MYH15: variants seen among roughly 807,000 people sequenced by gnomAD.
The protein encoded by MYH15 is myosin-15.
In MYH15, 227 loss-of-function variants were observed where a neutral mutation model predicts 240.5. The observed-to-expected ratio is 0.94, with a 90% CI of 0.85 to 1.05. The LOEUF is 1.05. Ranked by LOEUF, MYH15 falls within the 50% of genes least tolerant of loss-of-function variation. The pLI, the probability that MYH15 is intolerant of heterozygous loss-of-function variation, is 0.00. For synonymous variants in MYH15, 785 were observed against 796.7 expected, an observed-to-expected ratio of 0.99 and a Z score of 0.25; for missense variants, 2,217 against 2,247.5, an observed-to-expected ratio of 0.99 and a Z score of 0.27.
In MYH15 at chr3:108,428,840, C is replaced by T; in HGVS notation, c.3354G>A (p.Arg1118=). 2 of 1,611,864 alleles carry T rather than the reference C, an allele frequency of 1.2e-6. No homozygotes were observed. The highest frequency in any genetic ancestry group is 1.7e-5 in the Admixed American group (1 of 59,482). The stretch of plus-strand genomic sequence containing the variant: ...CCCTTTCCATCTTGGCTCGAGTGGT[C>T]CTTTCAGCTTCTAGTTTCTCTTTCA... The part of the protein sequence containing the change: ...KDLKEKLEAE[R]TTRAKMERER... The change falls in exon 27 of 41, where the codon AGG becomes AGA. Residue 1118 remains arginine (R), a synonymous_variant. Coordinates refer to ENST00000693548, the MANE Select transcript of MYH15 (RefSeq NM_014981.3).
chr3:108,526,898 C>T (rs57031105), intron 1 of MYH15, among the ~76,000 whole-genome samples: 4,942 of 152,182 alleles, frequency 0.032, 249 homozygotes, highest in African/African-American at 0.11. Context: ...ACAGATCAAA[C>T]GCAGTGAGTT....
intron 40 of MYH15, among the ~76,000 whole-genome samples, chr3:108,381,812 C>T (rs1416749460): frequency 6.6e-6 from 1 of 152,216 alleles, no homozygotes; most frequent in Non-Finnish European, 1.5e-5. Context: ...AAGGCAGCGC[C>T]CCCCTTTGCC....
Position 108,383,745 on chromosome 3 carries a change from A to AG in MYH15, c.5632-17_5632-16insC. 6.5e-7 allele frequency: 1 copy of AG among 1,534,188 alleles called. No individual in the cohort carries two copies. Among genetic ancestry groups the AG allele is most frequent in the Non-Finnish European group, 8.7e-7 (1 of 1,148,408 alleles). On this transcript the variant is annotated splice_polypyrimidine_tract_variant and intron_variant, in intron 39 of 40. Transcript: ENST00000693548. ...CTTGTGTTTCCTATAAAAATAAAAA[A>AG]AAAAAAAAAGAAATCTCCATGCCTA...
At chr3:108,432,149 C>T (rs1224841349) in intron 25 of MYH15, among the ~76,000 whole-genome samples, 1 of 152,178 alleles carries the variant, frequency 6.6e-6, no homozygotes, top group South Asian at 2.1e-4. Context: ...ACCTCCACCT[C>T]CCAGGTTCAA....
intron 25 of MYH15, among the ~76,000 whole-genome samples, chr3:108,435,518 T>C (rs1012461191): frequency 2.6e-5 from 4 of 152,064 alleles, no homozygotes; most frequent in South Asian, 2.1e-4. Flanking sequence ...TTTGTTTCTA[T>C]GAATTCGATT....
At chr3:108,484,006 G>C (rs1010841833) in intron 11 of MYH15, among the ~76,000 whole-genome samples, 1 of 152,150 alleles carries the variant, frequency 6.6e-6, no homozygotes, top group Non-Finnish European at 1.5e-5. Flanking sequence ...GGATTACATT[G>C]CTAATTACAC....
chr3:108,419,151 C>T (rs1382256567), intron 28 of MYH15, among the ~76,000 whole-genome samples: 3 of 152,096 alleles, frequency 2.0e-5, no homozygotes, highest in Admixed American at 1.3e-4. Context: ...TTGGTTTCCT[C>T]TGAAAGCAGA....
At chr3:108,427,635 C>CACACACACAG (rs570359637) in intron 27 of MYH15, among the ~76,000 whole-genome samples, 2 of 146,740 alleles carry the variant, frequency 1.4e-5, no homozygotes, top group East Asian at 2.0e-4. Flanking sequence ...CACACACACA[C>CACACACACAG]AGAGAGAGAG....
chr3:108,537,509 C>G, the MYH15 span, among the ~76,000 whole-genome samples: 1 of 152,092 alleles, frequency 6.6e-6, no homozygotes, highest in Non-Finnish European at 1.5e-5. Context: ...AAATATTTTA[C>G]CCATATAAAA....
rs150963360 is a variant in MYH15 at position 108,520,312 on chromosome 3, G to A, written c.-58+8951C>T. On this transcript the variant is annotated intron_variant, in intron 1 of 41. Transcript: ENST00000273353. ...TTGTTTCGTATAACAACCCCCATGC[G>A]AAAACTATCAGTAAAAATAGCAAAT... Among the ~76,000 whole-genome samples the A allele has an allele frequency of 8.7e-3, 1,317 of 152,154 alleles. 16 individuals are homozygous for A. The highest frequency in any genetic ancestry group is 0.015 in the Non-Finnish European group (1,023 of 67,994).
intron 18 of MYH15, among the ~76,000 whole-genome samples, chr3:108,457,276 C>T (rs957455822): frequency 1.3e-5 from 2 of 152,088 alleles, no homozygotes; most frequent in Admixed American, 6.5e-5. Context: ...CTGCCTTCTC[C>T]GTGCAGGAGG....
chr3:108,470,485 A>G (rs1198458730), intron 13 of MYH15, among the ~76,000 whole-genome samples: 2 of 152,178 alleles, frequency 1.3e-5, no homozygotes, highest in African/African-American at 2.4e-5. Flanking sequence ...ACCTTTATGT[A>G]AGCCAGAATT....
intron 6 of MYH15, 106 bp from the exon 7 acceptor site, chr3:108,495,978 C>T (rs2083386533): frequency 2.7e-6 from 2 of 746,360 alleles, no homozygotes; most frequent in Non-Finnish European, 4.2e-6. Context: ...CTTTGATAAC[C>T]AATGGCCAAA....
chr3:108,400,471 A>G (rs2107541852), intron 33 of MYH15, among the ~76,000 whole-genome samples: 1 of 152,330 alleles, frequency 6.6e-6, no homozygotes, highest in East Asian at 1.9e-4. Context: ...AGATTAGATC[A>G]GAATTAGATT....
chr3:108,505,872 CT>C, intron 1 of MYH15, 43 bp from the exon 2 acceptor site: 2 of 1,314,862 alleles, frequency 1.5e-6, no homozygotes, highest in Non-Finnish European at 2.2e-6. Context: ...AGCTATAGTA[CT>C]TACAGAAATA....
In MYH15 at chr3:108,444,875, TGG is replaced by T. The variant is rs1003650799; in HGVS notation, c.2418_2419del (p.Gln807MetfsTer26). 1 of 1,612,228 alleles carries T rather than the reference TGG, an allele frequency of 6.2e-7. No homozygotes were observed. The highest frequency in any genetic ancestry group is 1.3e-5 in the African/African-American group (1 of 74,728). Reference sequence around the variant, plus strand: ...AGCCATGAAAGCTCTTATGTTCCATTGGATCAAAATAAGTGCATCCCTAAATC... The same window carrying T: ...AGCCATGAAAGCTCTTATGTTCCATTATCAAAATAAGTGCATCCCTAAATC... On this transcript the variant is annotated frameshift_variant, in exon 22 of 41. Transcript: ENST00000693548. LOFTEE classifies it high-confidence loss of function.
intron 1 of MYH15, among the ~76,000 whole-genome samples, chr3:108,518,482 T>G (rs1417844746): frequency 6.6e-6 from 1 of 152,214 alleles, no homozygotes; most frequent in East Asian, 1.9e-4. Context: ...GGCCCCCAAG[T>G]AGAGAAACAC....
intron 27 of MYH15, among the ~76,000 whole-genome samples, chr3:108,426,883 T>C (rs1189758326): frequency 6.6e-6 from 1 of 152,216 alleles, no homozygotes. Context: ...AGGTCAGACA[T>C]GGAGTCAAAA....
At position 108,398,971 on chromosome 3, in the gene MYH15, G is replaced by C. The variant is rs529894384; in HGVS notation, c.4929+104C>G. The C allele has an allele frequency of 7.5e-6, 11 of 1,458,446 alleles. No individual in the cohort carries two copies. In the East Asian group the frequency reaches 1.8e-4, roughly 24 times the overall value. 90.3% of individuals were successfully genotyped at this position (1,458,446 alleles called of 1,614,324 possible). On this transcript the variant is annotated intron_variant, in intron 34 of 40. Transcript: ENST00000693548. Reference sequence around the variant, plus strand: ...CCTTCTCTCTGGAAAGATTAGATTTGTTGTCCTCATCTTTACTGCTGAACA... The same window carrying C: ...CCTTCTCTCTGGAAAGATTAGATTTCTTGTCCTCATCTTTACTGCTGAACA...
Sources: allele counts gnomAD v4.1 joint callset (sites outside exome capture counted in the v4.1 genomes callset), GRCh38; gene constraint gnomAD v4.1.1; transcripts MANE v1.5; gene names NCBI Gene and HGNC (gene_info 2026-07-23, HGNC 2026-07-21).